CATSPER2: variants seen among roughly 807,000 people sequenced by gnomAD.
CATSPER2 encodes the protein cation channel sperm associated 2, also known as cation channel sperm-associated protein 2.
Under a neutral mutation model 68.8 loss-of-function variants are expected in CATSPER2, and 56 were observed. That is an observed-to-expected ratio of 0.81 (90% CI 0.66 to 1.02). The LOEUF (loss-of-function observed/expected upper bound fraction) is 1.02. Among genes scored for constraint, CATSPER2 ranks in the 50% least tolerant of loss-of-function variants. The pLI, the probability that CATSPER2 is intolerant of heterozygous loss-of-function variation, is 0.00. For missense variants in CATSPER2, 582 were observed against 642.0 expected, an observed-to-expected ratio of 0.91 and a Z score of 1.01; for synonymous variants, 198 against 229.9, an observed-to-expected ratio of 0.86 and a Z score of 1.26.
In CATSPER2 at chr15:43,630,432, G is replaced by C. The variant is rs1369425683; in HGVS notation, c.*269C>G. Reference sequence around the variant, plus strand: ...TGCAGTGGTGCAATCTTGGCTCACTGCAACCTCTGACTCCCAGGTTCAAGT... The same window carrying C: ...TGCAGTGGTGCAATCTTGGCTCACTCCAACCTCTGACTCCCAGGTTCAAGT... On this transcript the variant is annotated 3_prime_UTR_variant, in exon 13 of 13. Transcript: ENST00000396879. 6 of 543,912 alleles carry C rather than the reference G, an allele frequency of 1.1e-5. No homozygotes were observed. The highest frequency in any genetic ancestry group is 1.9e-5 in the Non-Finnish European group (6 of 319,346). 33.7% of individuals were successfully genotyped at this position (543,912 alleles called of 1,614,324 possible).
chr15:43,633,332 T>G (rs925905105), intron 10 of CATSPER2: 43 of 283,400 alleles, frequency 1.5e-4, no homozygotes, highest in Non-Finnish European at 1.4e-4. Context: ...GTAAGTCACT[T>G]CATGTCACTC....
At chr15:43,644,267 A>C (rs2086122180) in intron 4 of CATSPER2, among the ~76,000 whole-genome samples, 1 of 152,044 alleles carries the variant, frequency 6.6e-6, no homozygotes, top group East Asian at 1.9e-4. Flanking sequence ...GTCTGTTCAA[A>C]GAAATCTGTT....
intron 10 of CATSPER2, chr15:43,633,195 C>T: frequency 2.1e-6 from 1 of 484,364 alleles, no homozygotes; most frequent in South Asian, 2.1e-5. Context: ...CAATAACTCA[C>T]TGCCACCACT....
rs2086186010 is a variant in CATSPER2 at position 43,647,295 on chromosome 15, C to A, written c.318G>T (p.Glu106Asp). 7 of 1,608,174 alleles carry A rather than the reference C, an allele frequency of 4.4e-6. No homozygotes were observed. The highest frequency in any genetic ancestry group is 6.0e-6 in the Non-Finnish European group (7 of 1,174,910). ...AAAATGAGTGACATGAAAGGATACA[C>A]TCAAGGACCCATCCGGCCCACAAAG... ...PLSLWAGWVL[E>D]CPLFKNFIIF... Residue 106 changes from glutamate to aspartate, a missense_variant and splice_region_variant, in exon 3 of 13, where the codon GAG becomes GAT. Around this residue, in one of 5 missense-constraint regions of CATSPER2, gnomAD observed 197 missense variants for 191.0 expected, o/e 1.03. Coordinates refer to ENST00000396879, the MANE Select transcript of CATSPER2 (RefSeq NM_172095.4).
rs950348510 is a variant in CATSPER2, at chr15:43,648,726, C to G, written c.-100G>C. The G allele has an allele frequency of 1.9e-5, 29 of 1,509,770 alleles. 1 individual carries two copies. The highest frequency in any genetic ancestry group is 2.8e-5 in the African/African-American group (2 of 70,832). 93.5% of individuals were successfully genotyped at this position (1,509,770 alleles called of 1,614,324 possible). ...TGGCTACCCCTATGCAAGACGAGCT[C>G]AGGGCCGGCTCCCAGCCTCACTGCG... On this transcript the variant is annotated 5_prime_UTR_variant, in exon 1 of 13. An upstream open reading frame in the 5' UTR loses its in-frame stop. Coordinates refer to ENST00000396879, the MANE Select transcript of CATSPER2 (RefSeq NM_172095.4).
At chr15:43,639,395 C>T (rs570337322) in intron 6 of CATSPER2, 3 of 503,938 alleles carry the variant, frequency 6.0e-6, no homozygotes, top group African/African-American at 4.0e-5. Context: ...CAGGCACACA[C>T]CACCAAGCCC....
At position 43,629,893 on chromosome 15, in the gene CATSPER2, T is replaced by C. The variant is rs575182437; in HGVS notation, c.*808A>G. On this transcript the variant is annotated 3_prime_UTR_variant, in exon 13 of 13. Coordinates refer to ENST00000396879, the MANE Select transcript of CATSPER2 (RefSeq NM_172095.4). ...TGAGTGGAACACGCAATGGAAACAATACTTCTCAATTAGTTACACTAACAG... is the reference window on the plus strand; with the variant it reads ...TGAGTGGAACACGCAATGGAAACAACACTTCTCAATTAGTTACACTAACAG... 134 of 151,888 alleles carry C rather than the reference T, an allele frequency of 8.8e-4. 1 individual carries two copies. The highest frequency in any genetic ancestry group is 3.1e-3 in the African/African-American group (130 of 41,370). The allele number at this position is 151,888 out of a possible 1,614,324, so 9.4% of individuals were successfully genotyped here.
intron 4 of CATSPER2, among the ~76,000 whole-genome samples, chr15:43,643,479 A>C (rs1310612260): frequency 6.6e-6 from 1 of 151,712 alleles, no homozygotes; most frequent in Non-Finnish European, 1.5e-5. Flanking sequence ...CTGGGACCAT[A>C]GATGCGCATC....
intron 12 of CATSPER2, chr15:43,631,287 G>C (rs1232796571): frequency 5.5e-6 from 1 of 182,460 alleles, no homozygotes; most frequent in African/African-American, 2.4e-5. Context: ...CTGGAGTTCA[G>C]TGGCGTGATC....
At position 43,629,992 on chromosome 15, in the gene CATSPER2, C is replaced by A. The variant is rs1316173978; in HGVS notation, c.*709G>T. On this transcript the variant is annotated 3_prime_UTR_variant, in exon 13 of 13. Transcript: ENST00000396879. ...GGAGGGAGAGGGTAAAATTAGGACT[C>A]TAATCAGGCAGTAGAGGTTGCAGGA... 6.6e-6 allele frequency: 1 copy of A among 151,832 alleles called. No individual in the cohort carries two copies. The highest frequency in any genetic ancestry group is 1.5e-5 in the Non-Finnish European group (1 of 68,104). 9.4% of individuals were successfully genotyped at this position (151,832 alleles called of 1,614,324 possible). A position where few individuals can be genotyped will look rare whatever the true frequency, so the allele number is the denominator to read the frequency against.
chr15:43,635,702 TG>T (rs759215230), intron 9 of CATSPER2, 24 bp downstream of exon 9: 70 of 1,599,682 alleles, frequency 4.4e-5, no homozygotes, highest in Non-Finnish European at 5.6e-5. Flanking sequence ...GAAGGAAAGT[TG>T]GGGTTGAAAA....
Position 43,632,918 on chromosome 15 carries a change from G to C in CATSPER2, c.1195C>G (p.Gln399Glu). Reference protein sequence around the residue: ...KIEDSSRGASQQRESLDLSEV... With the variant: ...KIEDSSRGASEQRESLDLSEV... ...GATAAGTCCAAACTTTCCCTTTGTT[G>C]ACTAGCTCCTCTTGAACTTAAAGAA... The change falls in exon 11 of 13, where the codon CAA becomes GAA. Residue 399 changes from glutamine to glutamate, a missense_variant. Physicochemically the swap from Gln to Glu is conservative, Grantham distance 29. Transcript: ENST00000396879. The C allele has an allele frequency of 6.3e-7, 1 of 1,598,382 alleles. No individual in the cohort carries two copies. Among genetic ancestry groups the C allele is most frequent in the Non-Finnish European group, 8.6e-7 (1 of 1,166,946 alleles).
chr15:43,645,406 T>C (rs767634850), intron 4 of CATSPER2, among the ~76,000 whole-genome samples: 104 of 151,942 alleles, frequency 6.8e-4, no homozygotes, highest in Non-Finnish European at 4.1e-4. Context: ...AGTCCTGAAC[T>C]GGCTACAGGC....
rs537470878 is a variant in CATSPER2, at chr15:43,630,816, G to T, written c.1562-84C>A. 1.2e-5 allele frequency: 20 copies of T among 1,610,380 alleles called. No individual in the cohort carries two copies. In the African/African-American group the frequency reaches 2.5e-4, roughly 20 times the overall value. ...TTTGGTGAAGACCTTGCTTTTCTGG[G>T]TTCTAGGTTCCCTCACAAGTCTTTA... On this transcript the variant is annotated intron_variant, in intron 12 of 12. Coordinates refer to ENST00000396879, the MANE Select transcript of CATSPER2 (RefSeq NM_172095.4).
rs1292574720 is a variant in CATSPER2, at chr15:43,629,487, G to GTA, written c.*1212_*1213dup. 5 of 134,348 alleles carry GTA rather than the reference G, an allele frequency of 3.7e-5. 1 individual carries two copies. The highest frequency in any genetic ancestry group is 1.7e-4 in the African/African-American group (5 of 28,906). The allele number at this position is 134,348 out of a possible 1,614,324, so 8.3% of individuals were successfully genotyped here. ...ATGAAATATGCATACTCTATATACA[G>GTA]TATATATATACTAAATATATAAATA... On this transcript the variant is annotated 3_prime_UTR_variant, in exon 13 of 13. Coordinates refer to ENST00000396879, the MANE Select transcript of CATSPER2 (RefSeq NM_172095.4).
At position 43,647,410 on chromosome 15, in the gene CATSPER2, G is replaced by C. The variant is rs1363233947; in HGVS notation, c.203C>G (p.Ser68Cys). Reference sequence around the variant, plus strand: ...CTGTTCTATACGCTGAGGCTTTATAGAGAAACGCACTAGCTGGTGTTGATC... The same window carrying C: ...CTGTTCTATACGCTGAGGCTTTATACAGAAACGCACTAGCTGGTGTTGATC... Reference protein sequence around the residue: ...LGDQHQLVRFSIKPQRIEQIS... With the variant: ...LGDQHQLVRFCIKPQRIEQIS... The change falls in exon 3 of 13, where the codon TCT becomes TGT. Residue 68 changes from serine to cysteine, a missense_variant. By Grantham distance (112) the Ser-to-Cys change is moderately radical (BLOSUM62 -1). Transcript: ENST00000396879. The C allele has an allele frequency of 6.2e-7, 1 of 1,613,578 alleles. No individual in the cohort carries two copies. Among genetic ancestry groups the C allele is most frequent in the Admixed American group, 1.7e-5 (1 of 59,986 alleles).
chr15:43,629,821 T>C lies in CATSPER2; in HGVS notation c.*880A>G, dbSNP rs972722405. On this transcript the variant is annotated 3_prime_UTR_variant, in exon 13 of 13. Transcript: ENST00000396879. ...AAGAGACTTCCGGTCCAGAAACAGGTAAAAATAATATCCAATTAAAGTTAA... is the reference window on the plus strand; with the variant it reads ...AAGAGACTTCCGGTCCAGAAACAGGCAAAAATAATATCCAATTAAAGTTAA... The C allele has an allele frequency of 4.0e-5, 6 of 151,664 alleles. No individual in the cohort carries two copies. Among genetic ancestry groups the C allele is most frequent in the African/African-American group, 1.5e-4 (6 of 41,258 alleles). 9.4% of individuals were successfully genotyped at this position (151,664 alleles called of 1,614,324 possible).
chr15:43,635,002 A>C, intron 10 of CATSPER2: 1 of 305,420 alleles, frequency 3.3e-6, no homozygotes, highest in South Asian at 4.0e-5. Flanking sequence ...TTGCGGTGGC[A>C]TTAGCCCCAA....
rs1052588607 is a variant in CATSPER2, at chr15:43,635,624, T to A, written c.1121+103A>T. 1.6e-5 allele frequency: 18 copies of A among 1,144,502 alleles called. No individual in the cohort carries two copies. In the African/African-American group the frequency reaches 2.8e-4, roughly 18 times the overall value. 70.9% of individuals were successfully genotyped at this position (1,144,502 alleles called of 1,614,324 possible). On this transcript the variant is annotated intron_variant, in intron 9 of 12. Coordinates refer to ENST00000396879, the MANE Select transcript of CATSPER2 (RefSeq NM_172095.4). ...GAGAATTCTTATCCTTGGGGGCAAA[T>A]CTACTGTCACAAAGGGAAAAGTGGG...
Sources: allele counts gnomAD v4.1 joint callset (sites outside exome capture counted in the v4.1 genomes callset), GRCh38; gene constraint gnomAD v4.1.1; regional missense constraint gnomAD v4.1.1; transcripts MANE v1.5; gene names NCBI Gene and HGNC (gene_info 2026-07-23, HGNC 2026-07-21).